Variants in RPTOR observed in about 807,000 individuals in gnomAD.
The protein encoded by RPTOR is regulatory-associated protein of mTOR.
A neutral mutation model predicts 169.9 loss-of-function variants in RPTOR; 21 were observed. The ratio of observed to expected loss-of-function variants is 0.12; its 90% confidence interval spans 0.09 to 0.18. The LOEUF (loss-of-function observed/expected upper bound fraction) is 0.18. Among genes scored for constraint, RPTOR ranks in the 10% least tolerant of loss-of-function variants. The pLI is 1.00. For synonymous variants in RPTOR, 732 were observed against 753.2 expected (o/e 0.97, Z 0.46); for missense variants, 1,133 against 1,855.9 (o/e 0.61, Z 7.16).
At chr17:80,616,854 T>C (rs1370357881) in intron 1 of RPTOR, among the ~76,000 whole-genome samples, 2 of 152,156 alleles carry the variant, frequency 1.3e-5, no homozygotes, top group Non-Finnish European at 2.9e-5. Context: ...CAGGAGTAAG[T>C]GAAACACGAC....
chr17:80,953,508 G>C (rs576668469), intron 28 of RPTOR, among the ~76,000 whole-genome samples: 1 of 152,342 alleles, frequency 6.6e-6, no homozygotes, highest in East Asian at 1.9e-4. Context: ...TGTGCTTGTG[G>C]ATCTGCCCCA....
chr17:80,867,240 A>G (rs979419158), intron 13 of RPTOR, among the ~76,000 whole-genome samples: 3 of 152,172 alleles, frequency 2.0e-5, no homozygotes, highest in African/African-American at 7.2e-5. Context: ...TTATTAAAGA[A>G]TTATTTTTAA....
chr17:80,914,638 G>T (rs1567984159), intron 21 of RPTOR, among the ~76,000 whole-genome samples: 1 of 152,242 alleles, frequency 6.6e-6, no homozygotes, highest in Non-Finnish European at 1.5e-5. Flanking sequence ...CAACCAGCCG[G>T]CTGTGCACAC....
intron 3 of RPTOR, among the ~76,000 whole-genome samples, chr17:80,673,564 A>G (rs535959765): frequency 1.6e-4 from 24 of 152,360 alleles, no homozygotes; most frequent in African/African-American, 5.5e-4. Flanking sequence ...TGAGCATCTC[A>G]AAGAGCGGTT....
intron 7 of RPTOR, among the ~76,000 whole-genome samples, chr17:80,797,730 A>G (rs1044347166): frequency 5.3e-5 from 8 of 152,208 alleles, no homozygotes; most frequent in African/African-American, 1.9e-4. Flanking sequence ...CGTTATTTTT[A>G]TACTTTATCA....
At chr17:80,913,240 G>C (rs1189216509) in intron 21 of RPTOR, among the ~76,000 whole-genome samples, 1 of 152,072 alleles carries the variant, frequency 6.6e-6, no homozygotes, top group Non-Finnish European at 1.5e-5. Flanking sequence ...GTTCATCAGA[G>C]TCTAAAACAG....
At chr17:80,792,573 G>GA (rs2067059722) in intron 7 of RPTOR, among the ~76,000 whole-genome samples, 1 of 152,144 alleles carries the variant, frequency 6.6e-6, no homozygotes, top group African/African-American at 2.4e-5. Context: ...GTACCTAACA[G>GA]AGCTCAGTGC....
rs866112670 is a variant in RPTOR at position 80,947,327 on chromosome 17, T to C, written c.3241T>C (p.Cys1081Arg). The C allele has an allele frequency of 2.5e-6, 4 of 1,579,742 alleles. No homozygotes were observed. The highest frequency in any genetic ancestry group is 2.6e-6 in the Non-Finnish European group (3 of 1,164,854). The part of the protein sequence containing the change: ...TAMEYLNGQD[C>R]SLLLTATDDG... ...CATGGAGTATCTGAACGGCCAGGAC[T>C]GCTCGCTTCTGCTGACGGCCACAGG... is the stretch of plus-strand genomic sequence containing the variant. The change falls in exon 27 of 34, where the codon TGC becomes CGC. Residue 1081 changes from cysteine to arginine, a missense_variant. Cys to Arg is a radical substitution (Grantham distance 180). Around this residue, in one of 9 missense-constraint regions of RPTOR, gnomAD observed 410 missense variants for 623.7 expected, o/e 0.66. Coordinates refer to ENST00000306801, the MANE Select transcript of RPTOR (RefSeq NM_020761.3). The surrounding 1 kb of genome is among the most constrained non-coding windows in gnomAD (Gnocchi z 4.4).
intron 5 of RPTOR, 23 bp from the exon 6 acceptor site, chr17:80,753,987 T>C: frequency 6.2e-7 from 1 of 1,602,614 alleles, no homozygotes; most frequent in South Asian, 1.1e-5. Flanking sequence ...ACACTCTCTT[T>C]TCCCGAATGT....
intron 21 of RPTOR, among the ~76,000 whole-genome samples, chr17:80,912,411 C>G (rs1357603438): frequency 2.0e-5 from 3 of 152,142 alleles, no homozygotes; most frequent in East Asian, 1.9e-4. Context: ...CAGTATTCAG[C>G]CTATTTAAGT....
At chr17:80,888,220 T>A (rs1024800017) in intron 17 of RPTOR, among the ~76,000 whole-genome samples, 3 of 152,200 alleles carry the variant, frequency 2.0e-5, no homozygotes, top group African/African-American at 7.2e-5. Context: ...GCTCAAGCGA[T>A]CCTCCCACCT....
At chr17:80,825,452 A>G (rs955795753) in intron 9 of RPTOR, among the ~76,000 whole-genome samples, 3 of 150,482 alleles carry the variant, frequency 2.0e-5, no homozygotes, top group Non-Finnish European at 4.5e-5. Flanking sequence ...GCCAGCATTT[A>G]TATCAGTGCT....
At chr17:80,835,719 A>G (rs2067555967) in intron 9 of RPTOR, among the ~76,000 whole-genome samples, 2 of 152,238 alleles carry the variant, frequency 1.3e-5, no homozygotes, top group South Asian at 4.1e-4. Context: ...TGAAACATAC[A>G]TGGAGTTTAC....
intron 24 of RPTOR, among the ~76,000 whole-genome samples, chr17:80,930,033 C>CCAGCTCATCCT (rs142247229): frequency 0.24 from 36,005 of 148,884 alleles, 5,037 homozygotes; most frequent in Middle Eastern, 0.34. Context: ...TGGCTCATCC[C>CCAGCTCATCCT]CAGCTCATCC....
chr17:80,564,055 A>G (rs954365294), intron 1 of RPTOR, among the ~76,000 whole-genome samples: 1 of 149,102 alleles, frequency 6.7e-6, no homozygotes, highest in South Asian at 2.1e-4. Context: ...GGGAACATTC[A>G]CATGTCTTTT....
intron 13 of RPTOR, among the ~76,000 whole-genome samples, chr17:80,872,362 AC>A (rs750330098): frequency 6.6e-6 from 1 of 152,096 alleles, no homozygotes; most frequent in Non-Finnish European, 1.5e-5. Context: ...AGATTCCAAC[AC>A]ACCCTCATGC....
At chr17:80,859,486 T>C (rs926151657) in intron 13 of RPTOR, among the ~76,000 whole-genome samples, 5 of 152,222 alleles carry the variant, frequency 3.3e-5, no homozygotes, top group South Asian at 2.1e-4. Flanking sequence ...ACGTGTGTGA[T>C]ACAGAGCTGG....
At chr17:80,843,542 C>A (rs912717533) in intron 10 of RPTOR, among the ~76,000 whole-genome samples, 4 of 152,028 alleles carry the variant, frequency 2.6e-5, no homozygotes, top group Non-Finnish European at 5.9e-5. Flanking sequence ...CTTCTGCAAA[C>A]TGAGCAGCCG....
At chr17:80,607,255 C>T (rs769143206) in intron 1 of RPTOR, among the ~76,000 whole-genome samples, 4 of 152,176 alleles carry the variant, frequency 2.6e-5, no homozygotes, top group African/African-American at 4.8e-5. Flanking sequence ...AACCTGAAAA[C>T]TATTTAAACA....
Sources: allele counts gnomAD v4.1 joint callset (sites outside exome capture counted in the v4.1 genomes callset), GRCh38; gene constraint gnomAD v4.1.1; regional missense constraint gnomAD v4.1.1; non-coding constraint Gnocchi (gnomAD v3.1); transcripts MANE v1.5; gene names NCBI Gene and HGNC (gene_info 2026-07-23, HGNC 2026-07-21).